The following TMPRSS2 variants were observed in gnomAD, a reference collection of about 807,000 sequenced individuals.
The protein encoded by TMPRSS2 is transmembrane serine protease 2, also known as transmembrane protease serine 2.
A neutral mutation model predicts 67.4 loss-of-function variants in TMPRSS2; 59 were observed. The ratio of observed to expected loss-of-function variants is 0.88; its 90% CI spans 0.71 to 1.09. The LOEUF (loss-of-function observed/expected upper bound fraction) is 1.09, where lower values mean the gene tolerates loss of function less well. Ranked by LOEUF, TMPRSS2 falls within the 50% of genes least tolerant of loss-of-function variation. The probability of loss-of-function intolerance (pLI) is 0.00; values close to 1 mark genes in which losing one functional copy is unlikely to be tolerated. For missense variants in TMPRSS2, 668 were observed against 642.7 expected, an observed-to-expected ratio of 1.04 and a Z score of -0.43; for synonymous variants, 257 against 257.0, an observed-to-expected ratio of 1.00 and a Z score of 0.00.
rs8129769 is a variant in TMPRSS2, at chr21:41,464,417, G to A, written c.*1725C>T. On this transcript the variant is annotated 3_prime_UTR_variant, in exon 14 of 14. Transcript: ENST00000332149. ...AACAGGACAGGCTGCAGGAACTGAG[G>A]GCACCAACCACAGGAGCACCAAGTC... is the stretch of plus-strand genomic sequence containing the variant. 72 of 187,032 alleles carry A rather than the reference G, an allele frequency of 3.8e-4. No individual in the cohort carries two copies. The highest frequency in any genetic ancestry group is 1.6e-3 in the African/African-American group (70 of 42,910). The allele number at this position is 187,032 out of a possible 1,614,324, so 11.6% of individuals were successfully genotyped here.
At position 41,489,471 on chromosome 21, in the gene TMPRSS2, G is replaced by A. The variant is rs751902235; in HGVS notation, c.325+36C>T. The A allele has an allele frequency of 3.1e-6, 5 of 1,588,762 alleles. No individual in the cohort carries two copies. In the South Asian group the frequency reaches 3.3e-5, roughly 11 times the overall value. On this transcript the variant is annotated intron_variant, in intron 4 of 13. Coordinates refer to ENST00000332149, the MANE Select transcript of TMPRSS2 (RefSeq NM_005656.4). ...CTGGCTCAGAGCACTGGGGACTGCA[G>A]GAGCACATGGTGGGATCGAGGCTCC...
At chr21:41,475,812 T>C (rs1296913643) in intron 8 of TMPRSS2, among the ~76,000 whole-genome samples, 1 of 151,504 alleles carries the variant, frequency 6.6e-6, no homozygotes, top group South Asian at 2.1e-4. Flanking sequence ...CACCAGGAGA[T>C]GAGTGCATGG....
At chr21:41,471,670 C>A in intron 10 of TMPRSS2, 136 bp downstream of exon 10, 1 of 981,720 alleles carries the variant, frequency 1.0e-6, no homozygotes, top group East Asian at 2.6e-5. Flanking sequence ...GAGCCTCTCC[C>A]ATTGGCCACC....
intron 2 of TMPRSS2, 139 bp from the exon 3 acceptor site, chr21:41,494,717 G>T: frequency 1.2e-6 from 1 of 843,846 alleles, no homozygotes; most frequent in Non-Finnish European, 2.0e-6. Flanking sequence ...TGTGAAATAT[G>T]CATCCTGTCT....
intron 13 of TMPRSS2, among the ~76,000 whole-genome samples, chr21:41,466,428 C>T (rs762020719): frequency 5.3e-5 from 8 of 152,240 alleles, no homozygotes; most frequent in East Asian, 1.9e-4. Context: ...TCTCCTGCCA[C>T]GCAGCCCTTC....
chr21:41,500,823 G>A (rs1447689488), intron 1 of TMPRSS2, among the ~76,000 whole-genome samples: 1 of 152,208 alleles, frequency 6.6e-6, no homozygotes, highest in Non-Finnish European at 1.5e-5. Flanking sequence ...TGTCTGCTTT[G>A]TGAAGAGAGA....
intron 2 of TMPRSS2, chr21:41,494,790 G>T (rs1268790779): frequency 4.7e-6 from 3 of 640,466 alleles, no homozygotes; most frequent in East Asian, 6.1e-5. Flanking sequence ...GTACTACAAG[G>T]CTGGGTGCGG....
intron 10 of TMPRSS2, among the ~76,000 whole-genome samples, chr21:41,470,964 T>A (rs1184086213): frequency 6.6e-6 from 1 of 152,226 alleles, no homozygotes; most frequent in Non-Finnish European, 1.5e-5. Flanking sequence ...TTGCTAGCTC[T>A]GCTTATAAGA....
chr21:41,479,522 C>T lies in TMPRSS2; in HGVS notation c.573-240G>A, dbSNP rs2091240773. On this transcript the variant is annotated intron_variant, in intron 6 of 13. Coordinates refer to ENST00000332149, the MANE Select transcript of TMPRSS2 (RefSeq NM_005656.4). The stretch of plus-strand genomic sequence containing the variant: ...TCGTGTTTCTTATCCAGGTTAGGAT[C>T]AAGAAACTATGAGAAGGACATAGGA... 2.0e-5 allele frequency among the ~76,000 whole-genome samples: 3 copies of T among 152,258 alleles called. No homozygotes were observed. The South Asian group carries it at 6.2e-4, about 32-fold the overall frequency.
In TMPRSS2 at chr21:41,465,372, A is replaced by G. The variant is rs926817536; in HGVS notation, c.*770T>C. On this transcript the variant is annotated 3_prime_UTR_variant, in exon 14 of 14. Transcript: ENST00000332149. The stretch of plus-strand genomic sequence containing the variant: ...TGGCGCCCTGCCAGGACCAAGGGGC[A>G]TGTGCACTCTCCAGGGTGCTAGGAG... The G allele has an allele frequency of 8.6e-6, 2 of 233,618 alleles. No individual in the cohort carries two copies. Among genetic ancestry groups the G allele is most frequent in the African/African-American group, 4.4e-5 (2 of 45,356 alleles). The allele number at this position is 233,618 out of a possible 1,614,324, so 14.5% of individuals were successfully genotyped here. A position where few individuals can be genotyped will look rare whatever the true frequency, so the allele number is the denominator to read the frequency against.
At chr21:41,480,091 C>T (rs1199529702) in intron 6 of TMPRSS2, among the ~76,000 whole-genome samples, 1 of 152,224 alleles carries the variant, frequency 6.6e-6, no homozygotes, top group Non-Finnish European at 1.5e-5. Flanking sequence ...CCCAGCCCAA[C>T]CCTCCTCGCC....
intron 6 of TMPRSS2, 89 bp downstream of exon 6, chr21:41,480,387 C>T (rs2091247571): frequency 3.8e-6 from 6 of 1,558,758 alleles, no homozygotes; most frequent in South Asian, 3.6e-5. Context: ...CACTCATGTG[C>T]CGGTGCTTTC....
At chr21:41,495,556 C>T (rs911101384) in intron 2 of TMPRSS2, among the ~76,000 whole-genome samples, 6 of 145,354 alleles carry the variant, frequency 4.1e-5, no homozygotes, top group Admixed American at 7.0e-5. Flanking sequence ...ACCCGGGAGG[C>T]GGAAGTTGCA....
In TMPRSS2 at chr21:41,465,373, T is replaced by G. The variant is rs1397210970; in HGVS notation, c.*769A>C. 1.7e-5 allele frequency: 4 copies of G among 233,592 alleles called. No homozygotes were observed. The highest frequency in any genetic ancestry group is 8.8e-5 in the African/African-American group (4 of 45,354). The allele number at this position is 233,592 out of a possible 1,614,324, so 14.5% of individuals were successfully genotyped here. A position where few individuals can be genotyped will look rare whatever the true frequency, so the allele number is the denominator to read the frequency against. ...GGCGCCCTGCCAGGACCAAGGGGCATGTGCACTCTCCAGGGTGCTAGGAGC... is the reference window on the plus strand; with the variant it reads ...GGCGCCCTGCCAGGACCAAGGGGCAGGTGCACTCTCCAGGGTGCTAGGAGC... On this transcript the variant is annotated 3_prime_UTR_variant, in exon 14 of 14. Coordinates refer to ENST00000332149, the MANE Select transcript of TMPRSS2 (RefSeq NM_005656.4).
chr21:41,477,602 C>T (rs563595766), intron 7 of TMPRSS2, among the ~76,000 whole-genome samples: 53 of 152,284 alleles, frequency 3.5e-4, no homozygotes, highest in African/African-American at 1.2e-3. Flanking sequence ...TAGGTCCTTC[C>T]TGACACCTTC....
At chr21:41,501,814 C>T (rs2091426510) in intron 1 of TMPRSS2, among the ~76,000 whole-genome samples, 1 of 152,216 alleles carries the variant, frequency 6.6e-6, no homozygotes, top group African/African-American at 2.4e-5. Context: ...ATCGCATTAA[C>T]TCATTTCTGA....
chr21:41,497,145 CTTG>C, intron 2 of TMPRSS2, among the ~76,000 whole-genome samples: 1 of 152,020 alleles, frequency 6.6e-6, no homozygotes, highest in Admixed American at 6.6e-5. Flanking sequence ...CAGCCTGCCC[CTTG>C]TCTCTTATTG....
At chr21:41,489,295 A>C (rs946465624) in intron 4 of TMPRSS2, among the ~76,000 whole-genome samples, 1 of 152,116 alleles carries the variant, frequency 6.6e-6, no homozygotes, top group Non-Finnish European at 1.5e-5. Context: ...GGCACCAAGC[A>C]CCCCAAAGCA....
At chr21:41,466,415 T>C (rs905507252) in intron 13 of TMPRSS2, among the ~76,000 whole-genome samples, 7 of 152,210 alleles carry the variant, frequency 4.6e-5, no homozygotes, top group Non-Finnish European at 7.4e-5. Flanking sequence ...CTCCCCCGGC[T>C]GCTCTCCTGC....
Sources: allele counts gnomAD v4.1 joint callset (sites outside exome capture counted in the v4.1 genomes callset), GRCh38; gene constraint gnomAD v4.1.1; transcripts MANE v1.5; gene names NCBI Gene and HGNC (gene_info 2026-07-23, HGNC 2026-07-21).